The following RIN3 variants were observed in gnomAD, a reference collection of about 807,000 sequenced individuals.
The protein encoded by RIN3 is RAB5 interacting protein 3.
Under a neutral mutation model 76.3 loss-of-function variants are expected in RIN3, and 54 were observed. The observed-to-expected ratio is 0.71, with a 90% confidence interval of 0.57 to 0.89. RIN3 has a LOEUF of 0.89. RIN3 is among the 40% of genes least tolerant of loss of function. RIN3 has a pLI of 0.00. For synonymous variants in RIN3, 576 were observed against 564.0 expected (o/e 1.02, Z -0.30); for missense variants, 1,256 against 1,322.1 (o/e 0.95, Z 0.78).
At chr14:92,588,755 C>A (rs1884873661) in intron 3 of RIN3, among the ~76,000 whole-genome samples, 1 of 152,126 alleles carries the variant, frequency 6.6e-6, no homozygotes, top group Admixed American at 6.5e-5. Flanking sequence ...TGTCTGCCTC[C>A]CTCTCCCACC....
intron 4 of RIN3, among the ~76,000 whole-genome samples, chr14:92,618,230 A>G (rs555910338): frequency 2.0e-5 from 3 of 152,276 alleles, no homozygotes; most frequent in Non-Finnish European, 4.4e-5. Flanking sequence ...CCCCTTTTCC[A>G]CTTCTATTGT....
intron 3 of RIN3, among the ~76,000 whole-genome samples, chr14:92,601,670 C>T (rs544609188): frequency 3.3e-5 from 5 of 152,284 alleles, no homozygotes; most frequent in East Asian, 3.9e-4. Flanking sequence ...GGCCCTGCGG[C>T]GTGAGCAGGA....
intron 4 of RIN3, among the ~76,000 whole-genome samples, chr14:92,630,046 T>C (rs11623779): frequency 0.13 from 19,886 of 152,292 alleles, 1,576 homozygotes; most frequent in Middle Eastern, 0.18. Flanking sequence ...ACATGTTAGG[T>C]GCTGTGAATG....
intron 7 of RIN3, among the ~76,000 whole-genome samples, chr14:92,665,576 T>C (rs1888062424): frequency 6.6e-6 from 1 of 151,778 alleles, no homozygotes; most frequent in African/African-American, 2.4e-5. Flanking sequence ...AGAGATGGGG[T>C]TTCACCATGT....
intron 1 of RIN3, among the ~76,000 whole-genome samples, chr14:92,554,687 G>A (rs567352807): frequency 5.3e-5 from 8 of 152,340 alleles, no homozygotes; most frequent in African/African-American, 1.9e-4. Context: ...TCGGGAGGCC[G>A]AGGTGGGTGG....
At chr14:92,576,527 C>T (rs1898238314) in intron 2 of RIN3, 3 of 667,872 alleles carry the variant, frequency 4.5e-6, no homozygotes, top group Non-Finnish European at 6.8e-6. Context: ...ATGGAGGTCC[C>T]AAGCGTTGAC....
rs569685002 is a variant in RIN3, at chr14:92,615,003, C to T, written c.368-404C>T. On this transcript the variant is annotated intron_variant, in intron 3 of 9. Transcript: ENST00000216487. ...GGATTACAGGTGCCTGCCACCACACCGGCTAATTTTTTGTATTTTTAGTAG... is the reference window on the plus strand; with the variant it reads ...GGATTACAGGTGCCTGCCACCACACTGGCTAATTTTTTGTATTTTTAGTAG... 4.0e-4 allele frequency among the ~76,000 whole-genome samples: 61 copies of T among 151,802 alleles called. 1 individual carries two copies. The highest frequency in any genetic ancestry group is 1.1e-3 in the African/African-American group (46 of 41,418).
At chr14:92,677,958 C>T (rs1022356847) in intron 8 of RIN3, among the ~76,000 whole-genome samples, 2 of 150,104 alleles carry the variant, frequency 1.3e-5, no homozygotes, top group Admixed American at 6.7e-5. Flanking sequence ...CACCTACCCA[C>T]CCACGTATTC....
chr14:92,615,829 G>C, intron 4 of RIN3: 1 of 251,060 alleles, frequency 4.0e-6, no homozygotes, highest in Non-Finnish European at 7.7e-6. Context: ...AGCAACAGGG[G>C]CTGATCCCCC....
intron 1 of RIN3, among the ~76,000 whole-genome samples, chr14:92,532,770 C>T (rs1280081738): frequency 6.6e-6 from 1 of 152,172 alleles, no homozygotes; most frequent in East Asian, 1.9e-4. Context: ...TCCTCAGAGC[C>T]GTCTGAGATT....
rs538179009 is a variant in RIN3, at chr14:92,651,996, C to A, written c.947C>A (p.Pro316Gln). Residue 316 changes from proline (P) to glutamine (Q), a missense_variant, in exon 6 of 10, where the codon CCA (proline) becomes CAA (glutamine). Pro to Gln is a moderately conservative substitution (Grantham distance 76). Coordinates refer to ENST00000216487, the MANE Select transcript of RIN3 (RefSeq NM_024832.5). Reference protein sequence around the residue: ...APACPLPTSPPVPAPHVTPHA... With the variant: ...APACPLPTSPQVPAPHVTPHA... ...GCCTGTCCTTTGCCCACCTCTCCCC[C>A]AGTGCCTGCCCCCCACGTCACACCC... The A allele has an allele frequency of 4.9e-5, 76 of 1,541,964 alleles. No homozygotes were observed. The East Asian group carries it at 1.7e-3, about 34-fold the overall frequency.
chr14:92,536,211 T>A (rs1896996392), intron 1 of RIN3, among the ~76,000 whole-genome samples: 1 of 152,138 alleles, frequency 6.6e-6, no homozygotes, highest in Non-Finnish European at 1.5e-5. Flanking sequence ...GCCCCTTTCA[T>A]CTCCCTCTGC....
Position 92,514,052 on chromosome 14 carries a change from G to A in RIN3, c.44+76G>A. On this transcript the variant is annotated intron_variant, in intron 1 of 9. Coordinates refer to ENST00000216487, the MANE Select transcript of RIN3 (RefSeq NM_024832.5). This position sits in a 1 kb window ranked among gnomAD's most constrained non-coding sequence, Gnocchi z 7.2. ...TCCTGGCCGCCCCACTCCACTTCTT[G>A]TCCCAGAGAGTCCTTCGGGCGCGTG... 5 of 1,003,512 alleles carry A rather than the reference G, an allele frequency of 5.0e-6. No individual in the cohort carries two copies. The highest frequency in any genetic ancestry group is 6.4e-6 in the Non-Finnish European group (5 of 777,846). The allele number at this position is 1,003,512 out of a possible 1,614,324, so 62.2% of individuals were successfully genotyped here. A position where few individuals can be genotyped will look rare whatever the true frequency, so the allele number is the denominator to read the frequency against.
chr14:92,569,627 AG>A (rs1436346395), intron 2 of RIN3, among the ~76,000 whole-genome samples: 15 of 151,550 alleles, frequency 9.9e-5, no homozygotes, highest in African/African-American at 3.6e-4. Flanking sequence ...GATGGAGAAC[AG>A]GGTCCATGTC....
At position 92,555,942 on chromosome 14, in the gene RIN3, G is replaced by T. The variant is rs201845332; in HGVS notation, c.236G>T (p.Arg79Leu). 3 of 1,612,322 alleles carry T rather than the reference G, an allele frequency of 1.9e-6. No homozygotes were observed. The highest frequency in any genetic ancestry group is 2.5e-6 in the Non-Finnish European group (3 of 1,179,952). Residue 79 changes from arginine (R) to leucine (L), a missense_variant, in exon 2 of 10, where the codon CGG becomes CTG. Physicochemically the swap from Arg to Leu is moderately radical, Grantham distance 102. Around this residue, in one of 3 missense-constraint regions of RIN3, gnomAD observed 610 missense variants for 626.4 expected, o/e 0.97. Transcript: ENST00000216487. ...GQAEVARILH[R>L]VVAGMFLVRR... ...GCAGAGGTGGCCAGGATCCTGCACCGGGTGGTGGCTGGGGTGAGTGGGGGC... is the reference window on the plus strand; with the variant it reads ...GCAGAGGTGGCCAGGATCCTGCACCTGGTGGTGGCTGGGGTGAGTGGGGGC...
chr14:92,591,642 T>G (rs1281911750), intron 3 of RIN3, among the ~76,000 whole-genome samples: 1 of 151,936 alleles, frequency 6.6e-6, no homozygotes, highest in Non-Finnish European at 1.5e-5. Flanking sequence ...TACATCTGAC[T>G]TCTCAGAAAT....
rs1455412108 is a variant in RIN3, at chr14:92,648,640, T to C, written c.533-2942T>C. Among the ~76,000 whole-genome samples, 1 of 152,240 alleles carries C rather than the reference T, an allele frequency of 6.6e-6. No homozygotes were observed. Among genetic ancestry groups the C allele is most frequent in the East Asian group, 1.9e-4 (1 of 5,198 alleles). ...AGGGGCTGACACTGGGCCCCTGCTCTGGGCCAAGCACTGTCTCAGGTGCTG... is the reference window on the plus strand; with the variant it reads ...AGGGGCTGACACTGGGCCCCTGCTCCGGGCCAAGCACTGTCTCAGGTGCTG... On this transcript the variant is annotated intron_variant, in intron 5 of 9. Coordinates refer to ENST00000216487, the MANE Select transcript of RIN3 (RefSeq NM_024832.5). The surrounding 1 kb of genome is among the most constrained non-coding windows in gnomAD (Gnocchi z 4.1).
chr14:92,526,973 T>C (rs191580987), intron 1 of RIN3, among the ~76,000 whole-genome samples: 1 of 151,946 alleles, frequency 6.6e-6, no homozygotes, highest in South Asian at 2.1e-4. Context: ...GGCTCGTGGC[T>C]GTACCTCTCC....
intron 7 of RIN3, among the ~76,000 whole-genome samples, chr14:92,661,660 G>A (rs997375670): frequency 6.6e-6 from 1 of 151,128 alleles, no homozygotes; most frequent in Non-Finnish European, 1.5e-5. Flanking sequence ...GGAGGCAGAC[G>A]TTGCAGTGAG....
Sources: gnomAD v4.1 joint callset for allele counts (sites outside exome capture counted in the v4.1 genomes callset) on GRCh38, gnomAD v4.1.1 for gene constraint, gnomAD v4.1.1 regional missense constraint, Gnocchi (gnomAD v3.1) non-coding constraint, MANE v1.5 for transcripts, NCBI Gene and HGNC (gene_info 2026-07-23, HGNC 2026-07-21) for gene names.